Variants in LRRK1 observed in about 807,000 individuals in gnomAD.
LRRK1 encodes the protein leucine-rich repeat serine/threonine-protein kinase 1.
A neutral mutation model predicts 209.1 loss-of-function variants in LRRK1; 113 were observed. The ratio of observed to expected loss-of-function variants is 0.54; its 90% CI spans 0.46 to 0.63. The LOEUF (loss-of-function observed/expected upper bound fraction) is 0.63, where lower values mean the gene tolerates loss of function less well. LRRK1 is among the 30% of genes least tolerant of loss of function. The probability of loss-of-function intolerance (pLI) is 0.00; values close to 1 mark genes in which losing one functional copy is unlikely to be tolerated. For missense variants in LRRK1, 2,284 were observed against 2,632.2 expected (o/e 0.87, Z 2.89); for synonymous variants, 1,144 against 1,099.7 (o/e 1.04, Z -0.80).
intron 20 of LRRK1, among the ~76,000 whole-genome samples, chr15:101,039,318 C>A (rs536067515): frequency 2.6e-5 from 4 of 152,164 alleles, no homozygotes; most frequent in African/African-American, 9.6e-5. Context: ...TTCAGATTTT[C>A]TGCATCTTTT....
chr15:101,038,042 A>G (rs952159416), intron 20 of LRRK1, among the ~76,000 whole-genome samples: 2 of 152,258 alleles, frequency 1.3e-5, no homozygotes, highest in Non-Finnish European at 2.9e-5. Context: ...ACTCAGCCAT[A>G]TAAAGGAATA....
chr15:100,922,078 A>T (rs1401604139), intron 1 of LRRK1, among the ~76,000 whole-genome samples: 1 of 152,170 alleles, frequency 6.6e-6, no homozygotes, highest in African/African-American at 2.4e-5. Flanking sequence ...TAGTTGGCAA[A>T]AGGAAATTGA....
chr15:101,018,178 T>TAAAAAAAAAAAA (rs34360209), intron 12 of LRRK1, among the ~76,000 whole-genome samples: 2 of 126,608 alleles, frequency 1.6e-5, no homozygotes, highest in African/African-American at 3.0e-5. Context: ...CAAATTGATT[T>TAAAAAAAAAAAA]AAAAAAAAAA....
Position 101,022,034 on chromosome 15 carries a change from G to T in LRRK1, c.1852+77G>T. The T allele has an allele frequency of 9.6e-7, 1 of 1,043,678 alleles. No individual in the cohort carries two copies. Among genetic ancestry groups the T allele is most frequent in the Non-Finnish European group, 1.4e-6 (1 of 698,188 alleles). 64.7% of individuals were successfully genotyped at this position (1,043,678 alleles called of 1,614,324 possible). ...CCAGTCCACTTGTTAAGTTCTGGGG[G>T]TGGAGACAGTTGGTGACCCATGGAG... On this transcript the variant is annotated intron_variant, in intron 14 of 33. Coordinates refer to ENST00000388948, the MANE Select transcript of LRRK1 (RefSeq NM_024652.6). This position sits in a 1 kb window ranked among gnomAD's most constrained non-coding sequence, Gnocchi z 4.0.
intron 20 of LRRK1, among the ~76,000 whole-genome samples, chr15:101,040,817 A>G (rs1213037607): frequency 1.3e-5 from 2 of 152,216 alleles, no homozygotes; most frequent in African/African-American, 2.4e-5. Flanking sequence ...GACTTATTTT[A>G]TGGGCCAATG....
intron 2 of LRRK1, among the ~76,000 whole-genome samples, chr15:100,958,775 T>C (rs1437274880): frequency 6.6e-6 from 1 of 152,096 alleles, no homozygotes; most frequent in Non-Finnish European, 1.5e-5. Context: ...CCATCCGAAG[T>C]GGAGAGGACG....
At chr15:101,040,049 T>C (rs758522473) in intron 20 of LRRK1, among the ~76,000 whole-genome samples, 41 of 152,314 alleles carry the variant, frequency 2.7e-4, no homozygotes, top group Non-Finnish European at 5.4e-4. Flanking sequence ...AAAGTCTTTA[T>C]GGGTTATCAG....
At position 100,977,315 on chromosome 15, in the gene LRRK1, A is replaced by T. The variant is rs142049657; in HGVS notation, c.261+3348A>T. Among the ~76,000 whole-genome samples the T allele has an allele frequency of 5.4e-3, 825 of 152,252 alleles. 8 individuals carry two copies. Among genetic ancestry groups the T allele is most frequent in the African/African-American group, 0.019 (778 of 41,540 alleles). On this transcript the variant is annotated intron_variant, in intron 3 of 33. Transcript: ENST00000388948. Reference sequence around the variant, plus strand: ...CTTCGGCAAAACACTGAAGAAATATACTTGCAGCCCAGCCCCACCCCTCAC... The same window carrying T: ...CTTCGGCAAAACACTGAAGAAATATTCTTGCAGCCCAGCCCCACCCCTCAC...
At chr15:100,942,569 C>T (rs1021449786) in intron 2 of LRRK1, among the ~76,000 whole-genome samples, 9 of 152,108 alleles carry the variant, frequency 5.9e-5, no homozygotes, top group African/African-American at 2.2e-4. Context: ...TGTGTGTACA[C>T]GAAAGTGTGA....
intron 6 of LRRK1, among the ~76,000 whole-genome samples, chr15:100,998,295 C>CCTCAGCA (rs377393465): frequency 6.6e-5 from 10 of 152,114 alleles, no homozygotes; most frequent in African/African-American, 2.4e-5. Context: ...GAGCCTGCCT[C>CCTCAGCA]CTCAGCACTC....
At chr15:101,049,301 G>A (rs923100987) in intron 22 of LRRK1, 2 of 226,296 alleles carry the variant, frequency 8.8e-6, no homozygotes, top group African/African-American at 4.5e-5. Context: ...CTTCCGCATA[G>A]ATGTTCTCAC....
chr15:100,950,224 T>G (rs2042618759), intron 2 of LRRK1, among the ~76,000 whole-genome samples: 1 of 106,026 alleles, frequency 9.4e-6, no homozygotes, highest in Admixed American at 9.0e-5. Context: ...GAAAATTTAA[T>G]TAAGAAAACA....
At chr15:101,001,176 T>C (rs991432766) in intron 6 of LRRK1, among the ~76,000 whole-genome samples, 10 of 152,156 alleles carry the variant, frequency 6.6e-5, no homozygotes, top group African/African-American at 2.4e-4. Context: ...CTGCTGTCTG[T>C]GGTGTTTCCA....
At chr15:100,930,925 G>A (rs988447825) in intron 2 of LRRK1, among the ~76,000 whole-genome samples, 3 of 152,120 alleles carry the variant, frequency 2.0e-5, no homozygotes, top group African/African-American at 7.2e-5. Context: ...GCACATTTTT[G>A]GAAAGTTTGA....
Position 101,070,598 on chromosome 15 carries a change from A to G in LRRK1, c.*1750A>G, listed in dbSNP as rs2036765860. The G allele has an allele frequency of 6.6e-6, 1 of 152,054 alleles. No homozygotes were observed. Among genetic ancestry groups the G allele is most frequent in the South Asian group, 2.1e-4 (1 of 4,826 alleles). 9.4% of individuals were successfully genotyped at this position (152,054 alleles called of 1,614,324 possible). ...AATTCACCCTCTCCTACTCCTGGAAAAGCCCAGCCCCAGGCCTCACAGAGC... is the reference window on the plus strand; with the variant it reads ...AATTCACCCTCTCCTACTCCTGGAAGAGCCCAGCCCCAGGCCTCACAGAGC... On this transcript the variant is annotated 3_prime_UTR_variant, in exon 34 of 34. Coordinates refer to ENST00000388948, the MANE Select transcript of LRRK1 (RefSeq NM_024652.6).
At chr15:100,943,758 A>G (rs925832433) in intron 2 of LRRK1, among the ~76,000 whole-genome samples, 2 of 149,720 alleles carry the variant, frequency 1.3e-5, no homozygotes, top group African/African-American at 4.9e-5. Context: ...GCTCACTGCA[A>G]CATCCGCCTC....
chr15:100,971,835 G>T (rs569678337), intron 2 of LRRK1, among the ~76,000 whole-genome samples: 1 of 152,002 alleles, frequency 6.6e-6, no homozygotes, highest in African/African-American at 2.4e-5. Flanking sequence ...TCCAGTCTTT[G>T]CCTCCATGGG....
At chr15:100,991,545 T>G (rs1486029058) in intron 6 of LRRK1, among the ~76,000 whole-genome samples, 1 of 152,166 alleles carries the variant, frequency 6.6e-6, no homozygotes, top group African/African-American at 2.4e-5. Context: ...TGGAGAAAAG[T>G]TATTTTGTTT....
chr15:100,986,427 T>C (rs2031874687), intron 4 of LRRK1, among the ~76,000 whole-genome samples: 1 of 152,212 alleles, frequency 6.6e-6, no homozygotes, highest in South Asian at 2.1e-4. Context: ...CCTTTGATTT[T>C]AGACAAAGCA....
Sources: allele counts gnomAD v4.1 joint callset (sites outside exome capture counted in the v4.1 genomes callset), GRCh38; gene constraint gnomAD v4.1.1; non-coding constraint Gnocchi (gnomAD v3.1); transcripts MANE v1.5; gene names NCBI Gene and HGNC (gene_info 2026-07-23, HGNC 2026-07-21).